WNT7B: variants seen among roughly 807,000 people sequenced by gnomAD.
WNT7B encodes protein Wnt-7b.
Under a neutral mutation model 38.2 loss-of-function variants are expected in WNT7B, and 19 were observed. The ratio of observed to expected loss-of-function variants is 0.50; its 90% CI spans 0.35 to 0.73. The LOEUF (loss-of-function observed/expected upper bound fraction) is 0.73, where lower values mean the gene tolerates loss of function less well. Ranked by LOEUF, WNT7B falls within the 30% of genes least tolerant of loss-of-function variation. WNT7B has a pLI of 0.01. For synonymous variants in WNT7B, 243 were observed against 209.3 expected (o/e 1.16, Z -1.39); for missense variants, 423 against 507.9 (o/e 0.83, Z 1.61).
intron 1 of WNT7B, among the ~76,000 whole-genome samples, chr22:45,963,373 C>A (rs183202995): frequency 1.1e-3 from 162 of 152,266 alleles, no homozygotes; most frequent in African/African-American, 3.8e-3. Context: ...CCCAGAGTGC[C>A]CACTTCCCCA....
intron 1 of WNT7B, among the ~76,000 whole-genome samples, chr22:45,971,001 C>T (rs555768052): frequency 6.6e-6 from 1 of 152,220 alleles, no homozygotes; most frequent in African/African-American, 2.4e-5. Flanking sequence ...CATCTGGCTG[C>T]GGTTGCGAAC....
chr22:45,938,699 G>A (rs996893984), intron 2 of WNT7B, among the ~76,000 whole-genome samples: 27 of 151,998 alleles, frequency 1.8e-4, no homozygotes, highest in Non-Finnish European at 3.7e-4. Context: ...GTGTCTGACA[G>A]CATGCTGGGG....
In WNT7B at chr22:45,931,108, G is replaced by T. The variant is rs994780520; in HGVS notation, c.560C>A (p.Ala187Asp). 2.5e-6 allele frequency: 4 copies of T among 1,578,320 alleles called. No homozygotes were observed. In the Admixed American group the frequency reaches 5.1e-5, roughly 20 times the overall value. The change falls in exon 3 of 4, where the codon GCC becomes GAC. Residue 187 changes from alanine (A) to aspartate (D), a missense_variant. Physicochemically the swap from Ala to Asp is moderately radical, Grantham distance 126 (BLOSUM62 -2). Around this residue, in one of 3 missense-constraint regions of WNT7B, gnomAD observed 132 missense variants for 113.4 expected, o/e 1.16. Coordinates refer to ENST00000339464, the MANE Select transcript of WNT7B (RefSeq NM_058238.3). The stretch of plus-strand genomic sequence containing the variant: ...GCACCCGCACCCTACCTTCCTGCCG[G>T]CCTCATTGTTATGCAGGTTCATGAG... The part of the protein sequence containing the change: ...RRLMNLHNNE[A>D]GRKVLEDRMQ...
chr22:45,943,118 T>C (rs540230194), intron 2 of WNT7B, among the ~76,000 whole-genome samples: 2 of 152,164 alleles, frequency 1.3e-5, no homozygotes, highest in Non-Finnish European at 2.9e-5. Context: ...TGTGTGTGTG[T>C]GCCAGGTGTA....
At position 45,976,348 on chromosome 22, in the gene WNT7B, G is replaced by C. The variant is rs1399663955; in HGVS notation, c.71+336C>G. Among the ~76,000 whole-genome samples, 3 of 150,702 alleles carry C rather than the reference G, an allele frequency of 2.0e-5. No homozygotes were observed. Among genetic ancestry groups the C allele is most frequent in the Middle Eastern group, 3.4e-3 (1 of 290 alleles). On this transcript the variant is annotated intron_variant, in intron 1 of 3. Transcript: ENST00000339464. The surrounding 1 kb of genome is among the most constrained non-coding windows in gnomAD (Gnocchi z 8.5). ...CCGGGCTCGGCGCCCAGCGCAGCCC[G>C]GGGGAGGGAAGGCGCGTCCCACCCC... is the stretch of plus-strand genomic sequence containing the variant.
In WNT7B at chr22:45,965,251, G is replaced by A. The variant is rs1023150681; in HGVS notation, c.71+11433C>T. On this transcript the variant is annotated intron_variant, in intron 1 of 3. Coordinates refer to ENST00000339464, the MANE Select transcript of WNT7B (RefSeq NM_058238.3). The surrounding 1 kb of genome is among the most constrained non-coding windows in gnomAD (Gnocchi z 6.5). Reference sequence around the variant, plus strand: ...GCCGAGGTCAGAGGCTGCCTTACTTGAGAGGTCTTCCCTGGGCCACCCTCA... The same window carrying A: ...GCCGAGGTCAGAGGCTGCCTTACTTAAGAGGTCTTCCCTGGGCCACCCTCA... Among the ~76,000 whole-genome samples the A allele has an allele frequency of 5.9e-5, 9 of 152,282 alleles. No individual in the cohort carries two copies. Among genetic ancestry groups the A allele is most frequent in the Non-Finnish European group, 1.2e-4 (8 of 68,024 alleles).
At chr22:45,948,376 G>A (rs1354861022) in intron 2 of WNT7B, among the ~76,000 whole-genome samples, 11 of 152,146 alleles carry the variant, frequency 7.2e-5, no homozygotes, top group Non-Finnish European at 1.6e-4. Flanking sequence ...CCTCTTCGCT[G>A]TGCCAGGCGC....
intron 2 of WNT7B, among the ~76,000 whole-genome samples, chr22:45,933,173 A>G (rs566822721): frequency 6.6e-6 from 1 of 152,152 alleles, no homozygotes; most frequent in African/African-American, 2.4e-5. Context: ...GTCTGCCGTC[A>G]TGGAGGGAGC....
chr22:45,931,613 C>T (rs541876081), intron 2 of WNT7B, among the ~76,000 whole-genome samples: 1 of 135,480 alleles, frequency 7.4e-6, no homozygotes, highest in Non-Finnish European at 1.7e-5. Context: ...GTGCCTGGTA[C>T]ACAGCAGGCC....
At chr22:45,926,982 C>G (rs1051410344) in intron 3 of WNT7B, 28 of 985,270 alleles carry the variant, frequency 2.8e-5, no homozygotes, top group Non-Finnish European at 3.3e-5. Context: ...GGGGTTCCCA[C>G]CCCCTGGCTC....
chr22:45,938,365 T>A (rs114465562), intron 2 of WNT7B, among the ~76,000 whole-genome samples: 104 of 152,164 alleles, frequency 6.8e-4, no homozygotes, highest in African/African-American at 2.2e-3. Context: ...GGCTGGGTGC[T>A]GTGGCTCACA....
Position 45,923,071 on chromosome 22 carries a change from C to T in WNT7B, c.835G>A (p.Glu279Lys), listed in dbSNP as rs1047376841. The change falls in exon 4 of 4, where the codon GAG becomes AAG. Residue 279 changes from glutamate to lysine, a missense_variant. By Grantham distance (56) the Glu-to-Lys change is moderately conservative. Coordinates refer to ENST00000339464, the MANE Select transcript of WNT7B (RefSeq NM_058238.3). ...VYIEKSPNYC[E>K]EDAATGSVGT... ...ACGCTGCCCGTGGCCGCGTCCTCCT[C>T]GCAGTAGTTGGGCGACTTCTCAATG... 3.1e-6 allele frequency: 5 copies of T among 1,613,218 alleles called. No homozygotes were observed. The highest frequency in any genetic ancestry group is 2.7e-5 in the African/African-American group (2 of 74,946).
At chr22:45,939,746 G>C (rs908099830) in intron 2 of WNT7B, among the ~76,000 whole-genome samples, 2 of 151,920 alleles carry the variant, frequency 1.3e-5, no homozygotes, top group African/African-American at 4.8e-5. Flanking sequence ...GAGTCACTTG[G>C]GCCCAGGAGG....
At chr22:45,967,751 G>A (rs1932344624) in intron 1 of WNT7B, among the ~76,000 whole-genome samples, 1 of 152,148 alleles carries the variant, frequency 6.6e-6, no homozygotes, top group South Asian at 2.1e-4. Flanking sequence ...CTTGGCCATT[G>A]TCCACTGTGT....
intron 1 of WNT7B, among the ~76,000 whole-genome samples, chr22:45,953,781 T>C (rs922326224): frequency 3.3e-5 from 5 of 150,004 alleles, no homozygotes; most frequent in Middle Eastern, 3.2e-3. Flanking sequence ...TTGCCAAGGA[T>C]GTGGAGAAAT....
At chr22:45,943,517 G>A (rs1197412996) in intron 2 of WNT7B, among the ~76,000 whole-genome samples, 3 of 152,208 alleles carry the variant, frequency 2.0e-5, no homozygotes, top group African/African-American at 7.2e-5. Context: ...GTCCAGCCCA[G>A]GGTGGCCTGC....
intron 1 of WNT7B, among the ~76,000 whole-genome samples, chr22:45,963,991 T>G (rs1932254611): frequency 6.6e-6 from 1 of 152,020 alleles, no homozygotes; most frequent in Admixed American, 6.5e-5. Context: ...GGCCACAAGC[T>G]GGGGAGGCAG....
chr22:45,928,178 C>T (rs1474239822), intron 3 of WNT7B, among the ~76,000 whole-genome samples: 1 of 152,216 alleles, frequency 6.6e-6, no homozygotes, highest in Non-Finnish European at 1.5e-5. Context: ...GCTTTCCACC[C>T]ACCTCACTGT....
At chr22:45,930,968 C>A in intron 3 of WNT7B, 130 bp downstream of exon 3, 2 of 1,289,582 alleles carry the variant, frequency 1.6e-6, no homozygotes. Context: ...AGGACCCAGA[C>A]GGCCCCACCC....
Sources: gnomAD v4.1 joint callset for allele counts (sites outside exome capture counted in the v4.1 genomes callset) on GRCh38, gnomAD v4.1.1 for gene constraint, gnomAD v4.1.1 regional missense constraint, Gnocchi (gnomAD v3.1) non-coding constraint, MANE v1.5 for transcripts, NCBI Gene and HGNC (gene_info 2026-07-23, HGNC 2026-07-21) for gene names.